Variants in SGMS2 observed in about 807,000 individuals in gnomAD.
SGMS2 encodes the protein sphingomyelin synthase 2.
SGMS2 carries 21 observed loss-of-function variants against 43.8 expected under a neutral mutation model. The ratio of observed to expected loss-of-function variants is 0.48; its 90% CI spans 0.34 to 0.69. The LOEUF (loss-of-function observed/expected upper bound fraction) is 0.69, where lower values mean the gene tolerates loss of function less well. Among genes scored for constraint, SGMS2 ranks in the 30% least tolerant of loss-of-function variants. The pLI is 0.01. For synonymous variants in SGMS2, 167 were observed against 160.6 expected, an observed-to-expected ratio of 1.04 and a Z score of -0.30; for missense variants, 384 against 443.2, an observed-to-expected ratio of 0.87 and a Z score of 1.20.
rs1219971556 is a variant in SGMS2 at position 107,899,569 on chromosome 4, T to C, written c.456-6T>C. 2 of 1,598,608 alleles carry C rather than the reference T, an allele frequency of 1.3e-6. No homozygotes were observed. Among genetic ancestry groups the C allele is most frequent in the East Asian group, 2.2e-5 (1 of 44,682 alleles). On this transcript the variant is annotated splice_region_variant and splice_polypyrimidine_tract_variant and intron_variant, in intron 3 of 6. Coordinates refer to ENST00000690982, the MANE Select transcript of SGMS2 (RefSeq NM_001375905.1). The stretch of plus-strand genomic sequence containing the variant: ...TGTTTTTCCCCATCCCTATTTTTTC[T>C]TTTAGGTCAATAGTGGGACGCAGAT...
Position 107,895,971 on chromosome 4 carries a change from G to T in SGMS2, c.418G>T (p.Gly140Ter). ...AGAAATAAATGGGATTATATTAGTTGGATTATGGATCACCCAGTGGCTGTT... is the reference window on the plus strand; with the variant it reads ...AGAAATAAATGGGATTATATTAGTTTGATTATGGATCACCCAGTGGCTGTT... ...VSEINGIILVGLWITQWLFLR... is the reference protein window; with the variant it reads ...VSEINGIILV Residue 140 changes from glycine to a stop codon, truncating the protein, a stop_gained, in exon 3 of 7, where the codon GGA becomes TGA. Coordinates refer to ENST00000690982, the MANE Select transcript of SGMS2 (RefSeq NM_001375905.1). LOFTEE classifies it high-confidence loss of function. The T allele has an allele frequency of 6.2e-7, 1 of 1,613,278 alleles. No homozygotes were observed. Among genetic ancestry groups the T allele is most frequent in the South Asian group, 1.1e-5 (1 of 91,040 alleles).
chr4:107,866,231 C>T (rs1475992576), intron 2 of SGMS2, among the ~76,000 whole-genome samples: 1 of 152,032 alleles, frequency 6.6e-6, no homozygotes. Flanking sequence ...GTGTTATCCA[C>T]AAATTATCTA....
Position 107,902,731 on chromosome 4 carries a change from G to T in SGMS2, c.574-502G>T, listed in dbSNP as rs1257090430. ...ACCTATTTAAATTATTTAATGAGTTGCAACTCCTCTTCTTAATTGTAAATG... is the reference window on the plus strand; with the variant it reads ...ACCTATTTAAATTATTTAATGAGTTTCAACTCCTCTTCTTAATTGTAAATG... On this transcript the variant is annotated intron_variant, in intron 4 of 6. Transcript: ENST00000690982. 2.6e-5 allele frequency among the ~76,000 whole-genome samples: 4 copies of T among 152,174 alleles called. No homozygotes were observed. In the South Asian group the frequency reaches 8.3e-4, roughly 32 times the overall value.
intron 1 of SGMS2, among the ~76,000 whole-genome samples, chr4:107,841,625 T>A (rs1425010255): frequency 6.6e-6 from 1 of 152,076 alleles, no homozygotes; most frequent in African/African-American, 2.4e-5. Context: ...TTTTTAAAAA[T>A]TTTTTATTTT....
At chr4:107,838,921 C>T (rs1726345129) in intron 1 of SGMS2, among the ~76,000 whole-genome samples, 1 of 152,156 alleles carries the variant, frequency 6.6e-6, no homozygotes, top group African/African-American at 2.4e-5. Flanking sequence ...ACTGCCTTGC[C>T]TGGACTGAGG....
chr4:107,859,742 A>G (rs1415787441), intron 2 of SGMS2, among the ~76,000 whole-genome samples: 2 of 152,204 alleles, frequency 1.3e-5, no homozygotes, highest in Non-Finnish European at 1.5e-5. Flanking sequence ...AGGGAGGCAC[A>G]GAGGACTTGC....
chr4:107,901,884 CCAAA>C (rs1731136324), intron 4 of SGMS2, among the ~76,000 whole-genome samples: 1 of 151,886 alleles, frequency 6.6e-6, no homozygotes, highest in Non-Finnish European at 1.5e-5. Context: ...CCATAGGTGG[CCAAA>C]CACTTACCTC....
At chr4:107,860,594 G>A (rs935090063) in intron 2 of SGMS2, among the ~76,000 whole-genome samples, 1 of 150,620 alleles carries the variant, frequency 6.6e-6, no homozygotes, top group Non-Finnish European at 1.5e-5. Context: ...CGATCTCGGC[G>A]GCTCACTGCA....
chr4:107,840,605 C>G (rs1726444990), intron 1 of SGMS2, among the ~76,000 whole-genome samples: 1 of 152,120 alleles, frequency 6.6e-6, no homozygotes, highest in Non-Finnish European at 1.5e-5. Context: ...TAAAAAGTTC[C>G]ATGTTGATAT....
intron 2 of SGMS2, among the ~76,000 whole-genome samples, chr4:107,892,603 A>C (rs370587897): frequency 6.6e-6 from 1 of 152,136 alleles, no homozygotes; most frequent in East Asian, 1.9e-4. Context: ...GGTTTCATAC[A>C]TTTTAGGGGG....
chr4:107,877,546 T>C (rs1728999320), intron 2 of SGMS2, among the ~76,000 whole-genome samples: 1 of 152,170 alleles, frequency 6.6e-6, no homozygotes, highest in African/African-American at 2.4e-5. Flanking sequence ...CCTAAACAAC[T>C]GCTGGCTGCT....
At chr4:107,855,765 T>C (rs923855314) in intron 1 of SGMS2, among the ~76,000 whole-genome samples, 3 of 152,194 alleles carry the variant, frequency 2.0e-5, no homozygotes, top group Non-Finnish European at 4.4e-5. Context: ...GGATGATCTG[T>C]CCATTGCCAA....
At chr4:107,900,479 G>A (rs952928886) in intron 4 of SGMS2, among the ~76,000 whole-genome samples, 2 of 152,164 alleles carry the variant, frequency 1.3e-5, no homozygotes, top group African/African-American at 4.8e-5. Flanking sequence ...AGTTGGATAT[G>A]GGTTTGACAG....
chr4:107,865,772 T>C (rs974068031), intron 2 of SGMS2, among the ~76,000 whole-genome samples: 3 of 152,204 alleles, frequency 2.0e-5, no homozygotes, highest in African/African-American at 7.2e-5. Context: ...AAGATCTTAT[T>C]TAATTGGTTT....
intron 4 of SGMS2, 75 bp from the exon 5 acceptor site, chr4:107,903,158 A>C (rs1006274079): frequency 2.8e-6 from 4 of 1,425,494 alleles, no homozygotes; most frequent in Non-Finnish European, 4.0e-6. Flanking sequence ...GTCCTTTCTA[A>C]GAGTCACACA....
chr4:107,847,586 T>G (rs1485494730), intron 1 of SGMS2, among the ~76,000 whole-genome samples: 2 of 152,148 alleles, frequency 1.3e-5, no homozygotes, highest in Non-Finnish European at 2.9e-5. Flanking sequence ...AGGATTGACT[T>G]GGCGATGCGG....
intron 1 of SGMS2, among the ~76,000 whole-genome samples, chr4:107,852,320 G>A (rs1397298937): frequency 6.6e-6 from 1 of 151,416 alleles, no homozygotes; most frequent in African/African-American, 2.4e-5. Flanking sequence ...CCCGTGATCC[G>A]CCTGCCTCAG....
chr4:107,882,920 A>T (rs1221772870), intron 2 of SGMS2, among the ~76,000 whole-genome samples: 3 of 152,216 alleles, frequency 2.0e-5, no homozygotes, highest in African/African-American at 7.2e-5. Flanking sequence ...ATGCAGGAAC[A>T]TGCTTTTTTT....
At chr4:107,868,274 A>G (rs993261715) in intron 2 of SGMS2, among the ~76,000 whole-genome samples, 1 of 152,220 alleles carries the variant, frequency 6.6e-6, no homozygotes, top group Non-Finnish European at 1.5e-5. Context: ...TGGTCAACCA[A>G]CATTTCCCAG....
Sources: allele counts gnomAD v4.1 joint callset (sites outside exome capture counted in the v4.1 genomes callset), GRCh38; gene constraint gnomAD v4.1.1; transcripts MANE v1.5; gene names NCBI Gene and HGNC (gene_info 2026-07-23, HGNC 2026-07-21).